VDAC1: variants seen among roughly 807,000 people sequenced by gnomAD.
VDAC1 encodes the protein voltage dependent anion channel 1, also known as non-selective voltage-gated ion channel VDAC1.
In VDAC1, 10 loss-of-function variants were observed where a neutral mutation model predicts 34.7. The ratio of observed to expected loss-of-function variants is 0.29; its 90% CI spans 0.18 to 0.49. The LOEUF (loss-of-function observed/expected upper bound fraction) is 0.49, where lower values mean the gene tolerates loss of function less well. Ranked by LOEUF, VDAC1 falls within the 20% of genes least tolerant of loss-of-function variation. VDAC1 has a pLI of 0.99. For missense variants in VDAC1, 230 were observed against 347.9 expected (o/e 0.66, Z 2.69); for synonymous variants, 130 against 136.0 (o/e 0.96, Z 0.30).
intron 6 of VDAC1, among the ~76,000 whole-genome samples, chr5:133,977,048 AAT>A (rs1434236699): frequency 1.3e-5 from 2 of 152,222 alleles, no homozygotes; most frequent in Non-Finnish European, 2.9e-5. Context: ...TGGCTCAAAA[AAT>A]AAAAGTAAAA....
At chr5:134,065,080 T>C in the VDAC1 span, among the ~76,000 whole-genome samples, 6 of 152,158 alleles carry the variant, frequency 3.9e-5, no homozygotes, top group Admixed American at 1.3e-4. Flanking sequence ...TTACTCTTTT[T>C]CTAATTCTTG....
chr5:134,070,730 G>C, the VDAC1 span, among the ~76,000 whole-genome samples: 1 of 152,082 alleles, frequency 6.6e-6, no homozygotes, highest in East Asian at 1.9e-4. Flanking sequence ...CCCCAATGCT[G>C]TCTGGCCGGT....
the VDAC1 span, among the ~76,000 whole-genome samples, chr5:134,028,100 C>A: frequency 6.7e-6 from 1 of 149,706 alleles, no homozygotes; most frequent in African/African-American, 2.5e-5. Context: ...GCATTTTAGC[C>A]ATCCTTTGAG....
At chr5:133,980,367 C>T (rs11742775) in intron 6 of VDAC1, among the ~76,000 whole-genome samples, 22,790 of 152,158 alleles carry the variant, frequency 0.15, 1,884 homozygotes, top group East Asian at 0.32. Flanking sequence ...GCAGGCTAAT[C>T]CTCAGGCATT....
chr5:133,988,311 G>T (rs1752977705), intron 5 of VDAC1, among the ~76,000 whole-genome samples: 1 of 152,032 alleles, frequency 6.6e-6, no homozygotes, highest in Non-Finnish European at 1.5e-5. Context: ...AGGGGGGCAG[G>T]TGCAGTGGCT....
chr5:134,009,469 G>T (rs1352507727), upstream of VDAC1, among the ~76,000 whole-genome samples: 1 of 151,700 alleles, frequency 6.6e-6, no homozygotes, highest in East Asian at 1.9e-4. Flanking sequence ...ATGTTGGCCA[G>T]GCTGGTCTCA....
chr5:134,102,968 G>C, the VDAC1 span, among the ~76,000 whole-genome samples: 4 of 152,082 alleles, frequency 2.6e-5, no homozygotes, highest in African/African-American at 9.7e-5. Context: ...GTGGGACAGG[G>C]AGGACCAAAC....
chr5:134,064,306 TG>T, the VDAC1 span, among the ~76,000 whole-genome samples: 1 of 152,124 alleles, frequency 6.6e-6, no homozygotes, highest in African/African-American at 2.4e-5. Flanking sequence ...TTTTGTTTTT[TG>T]GGGTTTTTTT....
chr5:134,053,321 C>T, the VDAC1 span, among the ~76,000 whole-genome samples: 1 of 152,186 alleles, frequency 6.6e-6, no homozygotes, highest in Non-Finnish European at 1.5e-5. Flanking sequence ...GCTTTCAGTT[C>T]CTTCTGAAAA....
the VDAC1 span, among the ~76,000 whole-genome samples, chr5:134,066,511 CT>C: frequency 6.6e-6 from 1 of 152,094 alleles, no homozygotes; most frequent in Non-Finnish European, 1.5e-5. Flanking sequence ...TAATTTATAC[CT>C]GCTACATGTG....
the VDAC1 span, among the ~76,000 whole-genome samples, chr5:134,011,119 A>G: frequency 6.6e-6 from 1 of 152,042 alleles, no homozygotes; most frequent in Admixed American, 6.6e-5. Flanking sequence ...GGCCACTTGT[A>G]TGTCTTCTTT....
At chr5:134,073,237 C>T in the VDAC1 span, among the ~76,000 whole-genome samples, 1 of 152,132 alleles carries the variant, frequency 6.6e-6, no homozygotes, top group East Asian at 1.9e-4. Flanking sequence ...ATATTGTCTT[C>T]CTAGGATGAT....
the VDAC1 span, among the ~76,000 whole-genome samples, chr5:134,106,609 T>C: frequency 6.6e-6 from 1 of 152,260 alleles, no homozygotes; most frequent in Admixed American, 6.5e-5. Flanking sequence ...AGTTTCACCA[T>C]GTTGGCCAGG....
intron 1 of VDAC1, among the ~76,000 whole-genome samples, chr5:134,000,394 A>AGG (rs1753500146): frequency 6.6e-6 from 1 of 152,214 alleles, no homozygotes; most frequent in African/African-American, 2.4e-5. Flanking sequence ...TCCTGGGCTC[A>AGG]AGAGGTTGCT....
intron 5 of VDAC1, among the ~76,000 whole-genome samples, chr5:133,981,875 C>T (rs1752713743): frequency 1.3e-5 from 2 of 152,342 alleles, no homozygotes; most frequent in East Asian, 3.9e-4. Context: ...ACAGGAGGAA[C>T]CAGATCCACT....
chr5:134,026,393 T>C, the VDAC1 span, among the ~76,000 whole-genome samples: 1 of 151,676 alleles, frequency 6.6e-6, no homozygotes, highest in Non-Finnish European at 1.5e-5. Flanking sequence ...CGGGCGCCTG[T>C]AGTCTCAGCT....
intron 7 of VDAC1, among the ~76,000 whole-genome samples, chr5:133,974,315 A>G (rs1752399875): frequency 6.6e-6 from 1 of 152,258 alleles, no homozygotes; most frequent in East Asian, 1.9e-4. Flanking sequence ...GTGACAACAG[A>G]AATGAGCCCA....
chr5:134,078,983 C>CT, the VDAC1 span, among the ~76,000 whole-genome samples: 5 of 136,586 alleles, frequency 3.7e-5, no homozygotes, highest in Non-Finnish European at 7.9e-5. Context: ...TTTTTTTTTT[C>CT]TTTTTTTGAG....
the VDAC1 span, among the ~76,000 whole-genome samples, chr5:134,060,923 G>A: frequency 8.3e-6 from 1 of 120,750 alleles, no homozygotes; most frequent in African/African-American, 3.4e-5. Context: ...TGTCACCCAG[G>A]CTGGAGTGCA....
Sources: gnomAD v4.1 joint callset for allele counts (sites outside exome capture counted in the v4.1 genomes callset) on GRCh38, gnomAD v4.1.1 for gene constraint, MANE v1.5 for transcripts, NCBI Gene and HGNC (gene_info 2026-07-23, HGNC 2026-07-21) for gene names.